Variants in KNTC1 observed in about 807,000 individuals in gnomAD.
KNTC1 encodes kinetochore associated 1, also known as kinetochore-associated protein 1.
In KNTC1, 253 loss-of-function variants were observed where a neutral mutation model predicts 314.4. That is an observed-to-expected ratio of 0.80 (90% CI 0.73 to 0.89). KNTC1 has a LOEUF of 0.89. KNTC1 is among the 40% of genes least tolerant of loss of function. The pLI is 0.00. For missense variants in KNTC1, 2,475 were observed against 2,572.9 expected, an observed-to-expected ratio of 0.96 and a Z score of 0.82; for synonymous variants, 901 against 901.4, an observed-to-expected ratio of 1.00 and a Z score of 0.01.
chr12:122,623,786 G>T (rs963847888), intron 62 of KNTC1, among the ~76,000 whole-genome samples: 1 of 152,136 alleles, frequency 6.6e-6, no homozygotes, highest in Non-Finnish European at 1.5e-5. Context: ...CATAATTCTG[G>T]CCGGGCGCAG....
Position 122,604,945 on chromosome 12 carries a change from A to G in KNTC1, c.5244A>G (p.Thr1748=), listed in dbSNP as rs1366241596. 2 of 1,611,814 alleles carry G rather than the reference A, an allele frequency of 1.2e-6. No homozygotes were observed. The highest frequency in any genetic ancestry group is 1.7e-6 in the Non-Finnish European group (2 of 1,178,932). The change falls in exon 50 of 64, where the codon ACA becomes ACG. Residue 1748 remains threonine, a synonymous_variant. Coordinates refer to ENST00000333479, the MANE Select transcript of KNTC1 (RefSeq NM_014708.6). ...KLHIQYRRSG[T]EAVLIAHKLN... is the part of the protein sequence containing the mutation. ...ATATCCAGTACCGGCGATCGGGCAC[A>G]GAAGCTGTGCTCATAGCCCACAAGC...
rs1362291288 is a variant in KNTC1 at position 122,582,991 on chromosome 12, A to G, written c.3263+6A>G. 1 of 1,599,868 alleles carries G rather than the reference A, an allele frequency of 6.3e-7. No individual in the cohort carries two copies. Among genetic ancestry groups the G allele is most frequent in the Non-Finnish European group, 8.5e-7 (1 of 1,171,090 alleles). On this transcript the variant is annotated splice_donor_region_variant and intron_variant, in intron 34 of 63. Transcript: ENST00000333479. ...ACAGCACTGAAAAAATGCAGGTGAC[A>G]TTCCAGATCCCTGAATTGCATAGCT...
chr12:122,606,366 C>T (rs189148758), intron 51 of KNTC1, among the ~76,000 whole-genome samples: 143 of 151,424 alleles, frequency 9.4e-4, no homozygotes, highest in African/African-American at 3.3e-3. Context: ...TACAGGTGTG[C>T]GCCACTATGG....
intron 20 of KNTC1, among the ~76,000 whole-genome samples, chr12:122,567,764 G>T (rs1964443070): frequency 6.6e-6 from 1 of 152,090 alleles, no homozygotes; most frequent in African/African-American, 2.4e-5. Flanking sequence ...CTTGAACTCA[G>T]GAGACAAAGG....
chr12:122,621,778 A>G lies in KNTC1; in HGVS notation c.6280-103A>G. 3 of 683,816 alleles carry G rather than the reference A, an allele frequency of 4.4e-6. No individual in the cohort carries two copies. The South Asian group carries it at 5.2e-5, about 12-fold the overall frequency. The allele number at this position is 683,816 out of a possible 1,614,324, so 42.4% of individuals were successfully genotyped here. On this transcript the variant is annotated intron_variant, in intron 60 of 63. Transcript: ENST00000333479. ...GTTCAGTGTTTCAGTATTTAAATAG[A>G]TTTCTTTTGGCACTTAGAAGAGCAA...
chr12:122,606,356 T>TA (rs1350929530), intron 51 of KNTC1, among the ~76,000 whole-genome samples: 5 of 151,820 alleles, frequency 3.3e-5, no homozygotes, highest in Admixed American at 3.3e-4. Context: ...TAGCTGGGGT[T>TA]ACAGGTGTGC....
Position 122,618,972 on chromosome 12 carries a change from A to G in KNTC1, c.6149+427A>G, listed in dbSNP as rs77872536. ...TATTATTTGTAATTTTATTAGAGAC[A>G]GCCTCCCAAATTGCTGGGATTACAG... is the stretch of plus-strand genomic sequence containing the variant. On this transcript the variant is annotated intron_variant, in intron 59 of 63. Coordinates refer to ENST00000333479, the MANE Select transcript of KNTC1 (RefSeq NM_014708.6). Among the ~76,000 whole-genome samples the G allele has an allele frequency of 7.9e-5, 12 of 151,772 alleles. No individual in the cohort carries two copies. In the East Asian group the frequency reaches 2.3e-3, roughly 30 times the overall value.
At chr12:122,601,503 A>G (rs1369097925) in intron 44 of KNTC1, 33 bp from the exon 45 acceptor site, 11 of 1,492,372 alleles carry the variant, frequency 7.4e-6, no homozygotes, top group African/African-American at 2.8e-5. Flanking sequence ...GCAAAGTCTT[A>G]TCAAGTTTTG....
chr12:122,614,672 G>T (rs1317624237), intron 55 of KNTC1, among the ~76,000 whole-genome samples: 1 of 152,050 alleles, frequency 6.6e-6, no homozygotes, highest in East Asian at 1.9e-4. Context: ...CTTCAGGTCA[G>T]GAGTTCGAGA....
At chr12:122,546,291 A>T in intron 9 of KNTC1, 22 bp downstream of exon 9, 1 of 1,351,540 alleles carries the variant, frequency 7.4e-7, no homozygotes, top group Non-Finnish European at 1.1e-6. Context: ...TAATGAAACT[A>T]CTTTAGACAA....
Position 122,577,686 on chromosome 12 carries a change from CCTT to C in KNTC1, c.2739_2741del (p.Leu915del). On this transcript the variant is annotated inframe_deletion, in exon 31 of 64. Transcript: ENST00000333479. ...CCTGTTTATAGGGTGAAGACTGTCT[CCTT>C]CTGTTGAAGTCTTTGCCTCCTGCTG... 1.2e-6 allele frequency: 2 copies of C among 1,613,572 alleles called. No homozygotes were observed. The highest frequency in any genetic ancestry group is 1.7e-6 in the Non-Finnish European group (2 of 1,179,716).
intron 32 of KNTC1, 24 bp downstream of exon 32, chr12:122,580,001 ATC>A (rs1965298507): frequency 6.6e-7 from 1 of 1,517,542 alleles, no homozygotes; most frequent in South Asian, 1.1e-5. Context: ...CTGTTTTCTC[ATC>A]TCAGTTTTGT....
intron 54 of KNTC1, 80 bp downstream of exon 54, chr12:122,613,310 C>T (rs1873385655): frequency 1.1e-6 from 1 of 949,230 alleles, no homozygotes; most frequent in African/African-American, 1.6e-5. Context: ...GCCCTGAATT[C>T]AGAAGAGCAT....
intron 44 of KNTC1, among the ~76,000 whole-genome samples, chr12:122,600,897 C>A (rs1871788021): frequency 6.6e-6 from 1 of 151,938 alleles, no homozygotes; most frequent in South Asian, 2.1e-4. Flanking sequence ...AACTCTTGAC[C>A]CCAGGTGATC....
At chr12:122,568,067 G>C (rs1964459685) in intron 20 of KNTC1, among the ~76,000 whole-genome samples, 194 bp from the exon 21 acceptor site, 1 of 152,174 alleles carries the variant, frequency 6.6e-6, no homozygotes, top group Non-Finnish European at 1.5e-5. Flanking sequence ...AAGATGTCGG[G>C]AGTTCTAGGG....
chr12:122,594,070 A>C, intron 42 of KNTC1: 1 of 526,896 alleles, frequency 1.9e-6, no homozygotes, highest in East Asian at 3.0e-5. Context: ...GGCAATGGTT[A>C]GGATGACTAA....
chr12:122,590,785 G>T, intron 41 of KNTC1, 50 bp downstream of exon 41: 4 of 1,560,136 alleles, frequency 2.6e-6, no homozygotes, highest in East Asian at 2.3e-5. Context: ...TCAAGATTGG[G>T]GGGGAGAAAT....
chr12:122,542,150 A>T (rs751116474), intron 6 of KNTC1, 23 bp downstream of exon 6: 3 of 1,375,570 alleles, frequency 2.2e-6, no homozygotes, highest in Middle Eastern at 3.8e-4. Context: ...TTATATTTTT[A>T]TTATTGATTT....
At chr12:122,598,507 A>G (rs1010567286) in intron 44 of KNTC1, among the ~76,000 whole-genome samples, 9 of 136,696 alleles carry the variant, frequency 6.6e-5, no homozygotes, top group African/African-American at 8.4e-5. Context: ...TACAGCCTCT[A>G]TGTCCTGGGC....
Sources: allele counts gnomAD v4.1 joint callset (sites outside exome capture counted in the v4.1 genomes callset), GRCh38; gene constraint gnomAD v4.1.1; transcripts MANE v1.5; gene names NCBI Gene and HGNC (gene_info 2026-07-23, HGNC 2026-07-21).